Variants in GRM1 observed in about 807,000 individuals in gnomAD.
The protein encoded by GRM1 is glutamate metabotropic receptor 1.
Under a neutral mutation model 90.9 loss-of-function variants are expected in GRM1, and 33 were observed. That is an observed-to-expected ratio of 0.36 (90% CI 0.28 to 0.49). The LOEUF is 0.49. Among genes scored for constraint, GRM1 ranks in the 20% least tolerant of loss-of-function variants. The pLI is 0.99. For synonymous variants in GRM1, 700 were observed against 613.2 expected (o/e 1.14, Z -2.09); for missense variants, 1,190 against 1,534.3 (o/e 0.78, Z 3.75).
intron 2 of GRM1, among the ~76,000 whole-genome samples, chr6:146,265,735 T>C (rs1338732475): frequency 6.6e-6 from 1 of 152,182 alleles, no homozygotes; most frequent in Non-Finnish European, 1.5e-5. Flanking sequence ...CCAAATTCAT[T>C]CTCCTTATGG....
chr6:146,362,944 GAACT>G (rs1775546527), intron 5 of GRM1, among the ~76,000 whole-genome samples: 1 of 152,068 alleles, frequency 6.6e-6, no homozygotes, highest in Non-Finnish European at 1.5e-5. Flanking sequence ...AAAATGGATG[GAACT>G]AAGAGAGTCC....
chr6:146,120,984 A>G (rs1013365964), intron 1 of GRM1, among the ~76,000 whole-genome samples: 2 of 151,996 alleles, frequency 1.3e-5, no homozygotes, highest in Admixed American at 6.6e-5. Flanking sequence ...CTCTTTTTCT[A>G]TTGATTGGAA....
chr6:146,298,452 C>A lies in GRM1; in HGVS notation c.951-6159C>A, dbSNP rs531127121. ...GAGTTCACTATGGGACCTAGTGAAG[C>A]CAAAGTCTAAAACTTCACATTCCAC... is the stretch of plus-strand genomic sequence containing the variant. On this transcript the variant is annotated intron_variant, in intron 2 of 7. Coordinates refer to ENST00000282753, the MANE Select transcript of GRM1 (RefSeq NM_001278064.2). Among the ~76,000 whole-genome samples, 3 of 152,206 alleles carry A rather than the reference C, an allele frequency of 2.0e-5. No individual in the cohort carries two copies. In the South Asian group the frequency reaches 6.2e-4, roughly 32 times the overall value.
intron 7 of GRM1, among the ~76,000 whole-genome samples, chr6:146,416,614 C>G (rs1357454842): frequency 6.6e-6 from 1 of 152,074 alleles, no homozygotes; most frequent in Non-Finnish European, 1.5e-5. Flanking sequence ...TAATCAATAT[C>G]TATGTATCCC....
intron 1 of GRM1, among the ~76,000 whole-genome samples, chr6:146,106,585 T>G (rs1327727065): frequency 6.6e-6 from 1 of 152,238 alleles, no homozygotes; most frequent in Admixed American, 6.5e-5. Context: ...AGGATTTTTT[T>G]GTAACCATTG....
chr6:146,296,403 C>A (rs974556757), intron 2 of GRM1, among the ~76,000 whole-genome samples: 2 of 152,200 alleles, frequency 1.3e-5, no homozygotes, highest in African/African-American at 4.8e-5. Context: ...ACTACACATA[C>A]TTATCACTAC....
At chr6:146,178,707 T>C (rs564405710) in intron 2 of GRM1, among the ~76,000 whole-genome samples, 12 of 152,326 alleles carry the variant, frequency 7.9e-5, no homozygotes, top group African/African-American at 2.9e-4. Flanking sequence ...CCTGCTGATA[T>C]TGATGTTGAG....
intron 2 of GRM1, among the ~76,000 whole-genome samples, chr6:146,295,364 C>G (rs1048016008): frequency 6.6e-6 from 1 of 150,610 alleles, no homozygotes; most frequent in Non-Finnish European, 1.5e-5. Flanking sequence ...GCTGGGATCA[C>G]AGGTGCCCAC....
At chr6:146,274,464 C>A (rs1325468618) in intron 2 of GRM1, among the ~76,000 whole-genome samples, 1 of 152,120 alleles carries the variant, frequency 6.6e-6, no homozygotes, top group Non-Finnish European at 1.5e-5. Context: ...TACATAACAT[C>A]TAATTTAGTT....
intron 2 of GRM1, 44 bp downstream of exon 2, chr6:146,159,641 T>TCTCTCACACACACACA (rs372590505): frequency 1.4e-5 from 10 of 726,970 alleles, no homozygotes; most frequent in Middle Eastern, 4.3e-4. Context: ...TCTCTCTCTC[T>TCTCTCACACACACACA]CACACACACA....
chr6:146,247,438 T>C (rs1247258027), intron 2 of GRM1, among the ~76,000 whole-genome samples: 1 of 152,018 alleles, frequency 6.6e-6, no homozygotes, highest in Non-Finnish European at 1.5e-5. Context: ...GAGGAATCAA[T>C]GTTAAAGCAG....
At chr6:146,082,738 A>G (rs1171358801) in intron 1 of GRM1, among the ~76,000 whole-genome samples, 2 of 152,142 alleles carry the variant, frequency 1.3e-5, no homozygotes, top group East Asian at 3.9e-4. Context: ...CCTCTGATCC[A>G]TAATAAAAAG....
chr6:146,102,200 G>A (rs2128870827), intron 1 of GRM1, among the ~76,000 whole-genome samples: 1 of 152,142 alleles, frequency 6.6e-6, no homozygotes, highest in East Asian at 1.9e-4. Flanking sequence ...CTCCTCACCA[G>A]GGTCTTGCCA....
At chr6:146,410,096 T>C (rs957632557) in intron 7 of GRM1, among the ~76,000 whole-genome samples, 1 of 152,178 alleles carries the variant, frequency 6.6e-6, no homozygotes, top group African/African-American at 2.4e-5. Flanking sequence ...TGAAAAAATA[T>C]AGACTTATGT....
chr6:146,120,922 G>C (rs1434786858), intron 1 of GRM1, among the ~76,000 whole-genome samples: 3 of 152,112 alleles, frequency 2.0e-5, no homozygotes, highest in African/African-American at 4.8e-5. Context: ...TCTGTGCCAG[G>C]CTTTGGTATC....
At chr6:146,371,612 T>A (rs539411864) in intron 5 of GRM1, among the ~76,000 whole-genome samples, 2 of 152,172 alleles carry the variant, frequency 1.3e-5, no homozygotes, top group East Asian at 3.9e-4. Context: ...CTCCTCCCCA[T>A]GCCCCAACTA....
At chr6:146,258,799 T>A (rs768629971) in intron 2 of GRM1, among the ~76,000 whole-genome samples, 2 of 152,150 alleles carry the variant, frequency 1.3e-5, no homozygotes, top group Non-Finnish European at 2.9e-5. Context: ...GAGAGATCAC[T>A]GGAACCAAAT....
At chr6:146,293,435 C>CA (rs1254403588) in intron 2 of GRM1, among the ~76,000 whole-genome samples, 2 of 151,766 alleles carry the variant, frequency 1.3e-5, no homozygotes, top group Admixed American at 6.6e-5. Context: ...ATGCAAAAAA[C>CA]AAAAAAATTA....
intron 2 of GRM1, among the ~76,000 whole-genome samples, chr6:146,163,861 A>G (rs1777818803): frequency 6.6e-6 from 1 of 152,102 alleles, no homozygotes; most frequent in African/African-American, 2.4e-5. Context: ...AATATTTCCT[A>G]TGATAATTCA....
Sources: allele counts gnomAD v4.1 joint callset (sites outside exome capture counted in the v4.1 genomes callset), GRCh38; gene constraint gnomAD v4.1.1; transcripts MANE v1.5; gene names NCBI Gene and HGNC (gene_info 2026-07-23, HGNC 2026-07-21).